The following EPC2 variants were observed in gnomAD, a reference collection of about 807,000 sequenced individuals.
EPC2 encodes enhancer of polycomb homolog 2.
A neutral mutation model predicts 92.1 loss-of-function variants in EPC2; 14 were observed. The observed-to-expected ratio is 0.15, with a 90% CI of 0.10 to 0.24. The LOEUF (loss-of-function observed/expected upper bound fraction) is 0.24. EPC2 is among the 10% of genes least tolerant of loss of function. The pLI is 1.00. For missense variants in EPC2, 755 were observed against 971.5 expected, an observed-to-expected ratio of 0.78 and a Z score of 2.96; for synonymous variants, 340 against 334.7, an observed-to-expected ratio of 1.02 and a Z score of -0.17.
At chr2:148,660,271 A>G (rs1444407458) in intron 1 of EPC2, among the ~76,000 whole-genome samples, 1 of 152,162 alleles carries the variant, frequency 6.6e-6, no homozygotes, top group African/African-American at 2.4e-5. Flanking sequence ...GAATTTCTTT[A>G]GCTCCTTTTG....
In EPC2 at chr2:148,747,317, C is replaced by A. The variant is rs138831960; in HGVS notation, c.459+3550C>A. On this transcript the variant is annotated intron_variant, in intron 3 of 13. Transcript: ENST00000258484. ...TTCTACCTCCATACTACCTTTTACT[C>A]CTGTAGAAGCATAATCCTAAACCCT... 1.3e-3 allele frequency among the ~76,000 whole-genome samples: 196 copies of A among 152,164 alleles called. 3 individuals carry two copies. The East Asian group carries it at 0.036, about 28-fold the overall frequency.
At chr2:148,742,191 A>C (rs1175828134) in intron 2 of EPC2, among the ~76,000 whole-genome samples, 2 of 152,134 alleles carry the variant, frequency 1.3e-5, no homozygotes, top group African/African-American at 2.4e-5. Context: ...CCCTGTGTAC[A>C]TATCTTTGTT....
intron 8 of EPC2, among the ~76,000 whole-genome samples, chr2:148,769,760 A>AT (rs1484367300): frequency 6.6e-6 from 1 of 152,230 alleles, no homozygotes; most frequent in Non-Finnish European, 1.5e-5. Context: ...AAGTCGCATT[A>AT]TATCACTCTC....
At chr2:148,712,741 G>C (rs1682174893) in intron 2 of EPC2, among the ~76,000 whole-genome samples, 1 of 151,380 alleles carries the variant, frequency 6.6e-6, no homozygotes, top group Non-Finnish European at 1.5e-5. Context: ...ACAATAGCCA[G>C]GTGTGGTAAT....
intron 2 of EPC2, among the ~76,000 whole-genome samples, chr2:148,719,529 G>C (rs367608340): frequency 6.6e-6 from 1 of 152,102 alleles, no homozygotes. Context: ...AACCCCAGTT[G>C]CTCTGGTTCT....
intron 4 of EPC2, 43 bp from the exon 5 acceptor site, chr2:148,761,739 A>T: frequency 7.6e-7 from 1 of 1,314,618 alleles, no homozygotes; most frequent in Non-Finnish European, 1.0e-6. Flanking sequence ...GGAAATGTAG[A>T]TAACTGTGTT....
At chr2:148,709,652 A>G (rs1682088478) in intron 2 of EPC2, among the ~76,000 whole-genome samples, 1 of 152,212 alleles carries the variant, frequency 6.6e-6, no homozygotes, top group Non-Finnish European at 1.5e-5. Context: ...ACAGAGATAT[A>G]AACCAACAGA....
intron 1 of EPC2, among the ~76,000 whole-genome samples, chr2:148,683,005 A>G (rs1041630859): frequency 1.3e-5 from 2 of 151,688 alleles, no homozygotes; most frequent in Non-Finnish European, 2.9e-5. Flanking sequence ...ATCTGATTCT[A>G]TTTCTTACAA....
intron 1 of EPC2, among the ~76,000 whole-genome samples, chr2:148,663,320 G>C (rs893368737): frequency 1.1e-4 from 16 of 150,470 alleles, no homozygotes; most frequent in African/African-American, 3.9e-4. Flanking sequence ...CCAGGTTCAC[G>C]CTATTCTCCT....
At chr2:148,678,686 A>G (rs545678907) in intron 1 of EPC2, among the ~76,000 whole-genome samples, 4 of 152,360 alleles carry the variant, frequency 2.6e-5, no homozygotes, top group Non-Finnish European at 5.9e-5. Context: ...CTCCGAGTGC[A>G]GGGCTGGCCA....
intron 1 of EPC2, among the ~76,000 whole-genome samples, chr2:148,678,629 C>T (rs1212589384): frequency 6.6e-6 from 1 of 152,250 alleles, no homozygotes; most frequent in Non-Finnish European, 1.5e-5. Context: ...ACAGCCTCCG[C>T]AGCCGCTGGC....
At chr2:148,690,585 A>G (rs1045541362) in intron 2 of EPC2, among the ~76,000 whole-genome samples, 1 of 152,234 alleles carries the variant, frequency 6.6e-6, no homozygotes, top group Non-Finnish European at 1.5e-5. Flanking sequence ...TTTGATATTT[A>G]TGTAGTATAG....
intron 3 of EPC2, among the ~76,000 whole-genome samples, chr2:148,744,488 A>T (rs1574618299): frequency 6.6e-6 from 1 of 152,118 alleles, no homozygotes; most frequent in African/African-American, 2.4e-5. Flanking sequence ...GAAATTGTAC[A>T]TTATATAATA....
chr2:148,749,960 C>G (rs1048688272), intron 3 of EPC2, among the ~76,000 whole-genome samples: 1 of 152,020 alleles, frequency 6.6e-6, no homozygotes, highest in African/African-American at 2.4e-5. Context: ...ATCAGGGGGT[C>G]ATTCCTATGA....
At chr2:148,765,287 T>G in intron 7 of EPC2, 141 bp downstream of exon 7, 1 of 487,508 alleles carries the variant, frequency 2.1e-6, no homozygotes, top group East Asian at 3.5e-5. Flanking sequence ...ACAGTATTTA[T>G]GTAGCCACTG....
At chr2:148,750,680 T>A (rs1427525067) in intron 3 of EPC2, among the ~76,000 whole-genome samples, 1 of 152,142 alleles carries the variant, frequency 6.6e-6, no homozygotes, top group Non-Finnish European at 1.5e-5. Context: ...TCCAGTGTTA[T>A]CTATTTAGAA....
chr2:148,725,093 A>G (rs1164201376), intron 2 of EPC2, among the ~76,000 whole-genome samples: 2 of 152,118 alleles, frequency 1.3e-5, no homozygotes, highest in Non-Finnish European at 2.9e-5. Flanking sequence ...GGAATATAGA[A>G]TTCAATCTTT....
At chr2:148,752,633 G>T (rs902127788) in intron 3 of EPC2, among the ~76,000 whole-genome samples, 7 of 152,150 alleles carry the variant, frequency 4.6e-5, no homozygotes, top group African/African-American at 1.4e-4. Flanking sequence ...TTGTGACATG[G>T]ACTACAATAC....
At chr2:148,775,775 CTTTTTT>C (rs70995334) in intron 10 of EPC2, among the ~76,000 whole-genome samples, 7 of 92,290 alleles carry the variant, frequency 7.6e-5, no homozygotes, top group Admixed American at 3.0e-4. Flanking sequence ...AATTTCTTTT[CTTTTTT>C]TTTTTTTTTT....
Sources: allele counts gnomAD v4.1 joint callset (sites outside exome capture counted in the v4.1 genomes callset), GRCh38; gene constraint gnomAD v4.1.1; transcripts MANE v1.5; gene names NCBI Gene and HGNC (gene_info 2026-07-23, HGNC 2026-07-21).